Variants in MCTP2 observed in about 807,000 individuals in gnomAD.
The protein encoded by MCTP2 is multiple C2 and transmembrane domain-containing protein 2.
MCTP2 carries 132 observed loss-of-function variants against 111.6 expected under a neutral mutation model. That is an observed-to-expected ratio of 1.18 (90% CI 1.03 to 1.37). MCTP2 has a LOEUF of 1.37. MCTP2 is among the 40% of genes most tolerant of loss of function. The pLI, the probability that MCTP2 is intolerant of heterozygous loss-of-function variation, is 0.00. For synonymous variants in MCTP2, 395 were observed against 387.7 expected (o/e 1.02, Z -0.22); for missense variants, 1,183 against 1,067.9 (o/e 1.11, Z -1.50).
chr15:94,448,678 A>ACT (rs1207185275), intron 19 of MCTP2, among the ~76,000 whole-genome samples: 1 of 152,194 alleles, frequency 6.6e-6, no homozygotes, highest in African/African-American at 2.4e-5. Flanking sequence ...GATAAAGGAT[A>ACT]CTCAACCTGT....
chr15:94,305,240 A>G (rs2075824871), intron 2 of MCTP2, among the ~76,000 whole-genome samples: 1 of 152,170 alleles, frequency 6.6e-6, no homozygotes, highest in Admixed American at 6.5e-5. Flanking sequence ...ATTCCCCACC[A>G]TGTGAGGACA....
chr15:94,434,624 C>A (rs554189676), intron 17 of MCTP2, among the ~76,000 whole-genome samples: 1 of 151,942 alleles, frequency 6.6e-6, no homozygotes, highest in South Asian at 2.1e-4. Context: ...AAAAAAATAC[C>A]ATTTTTTCGA....
rs200456929 is a variant in MCTP2 at position 94,358,504 on chromosome 15, C to A, written c.1193C>A (p.Pro398Gln). ...KSKTLCKSAN[P>Q]QWQEQFDFHY... is the part of the protein sequence containing the mutation. ...TAGACACTGTGTAAGAGTGCAAATC[C>A]GCAGTGGCAGGAACAGTTTGACTTT... The change falls in exon 10 of 23, where the codon CCG becomes CAG. Residue 398 changes from proline (P) to glutamine (Q), a missense_variant. Pro to Gln is a moderately conservative substitution (Grantham distance 76). Transcript: ENST00000357742. 1.4e-5 allele frequency: 23 copies of A among 1,613,384 alleles called. No homozygotes were observed. The highest frequency in any genetic ancestry group is 1.9e-5 in the Non-Finnish European group (22 of 1,179,520).
At chr15:94,458,115 A>G (rs761911168) in intron 19 of MCTP2, 22 bp from the exon 20 acceptor site, 2 of 1,361,116 alleles carry the variant, frequency 1.5e-6, no homozygotes, top group Admixed American at 1.7e-5. Flanking sequence ...ACTGAGTTAA[A>G]TCTTGCTTTT....
intron 1 of MCTP2, among the ~76,000 whole-genome samples, chr15:94,240,992 C>T (rs578254733): frequency 4.3e-4 from 66 of 152,266 alleles, no homozygotes; most frequent in Non-Finnish European, 8.5e-4. Flanking sequence ...CATTAAGACA[C>T]ACTTATCAAA....
chr15:94,376,189 A>G lies in MCTP2; in HGVS notation c.1582+6009A>G, dbSNP rs182862334. 7.9e-5 allele frequency among the ~76,000 whole-genome samples: 12 copies of G among 152,310 alleles called. No homozygotes were observed. The East Asian group carries it at 1.5e-3, about 20-fold the overall frequency. ...CTGGTTCCTTGGCTATGCCATTAGG[A>G]GGAGCTCTTGGTCTGTCCCCCACAC... On this transcript the variant is annotated intron_variant, in intron 12 of 22. Transcript: ENST00000357742.
intron 7 of MCTP2, among the ~76,000 whole-genome samples, chr15:94,344,824 T>A (rs533933907): frequency 2.2e-4 from 34 of 152,306 alleles, no homozygotes; most frequent in African/African-American, 7.0e-4. Flanking sequence ...TTAGAGAGAA[T>A]AATATGGTGT....
chr15:94,409,455 T>C lies in MCTP2; in HGVS notation c.2085+7436T>C, dbSNP rs1308701936. 6.6e-5 allele frequency among the ~76,000 whole-genome samples: 10 copies of C among 152,114 alleles called. No individual in the cohort carries two copies. In the East Asian group the frequency reaches 1.9e-3, roughly 30 times the overall value. On this transcript the variant is annotated intron_variant, in intron 17 of 22. Coordinates refer to ENST00000357742, the MANE Select transcript of MCTP2 (RefSeq NM_001385001.1). ...GGCTATGATAATACTCAAATATGAA[T>C]ATATATATATTCCTATTCCATTAGT... is the stretch of plus-strand genomic sequence containing the variant.
In MCTP2 at chr15:94,315,137, G is replaced by A. The variant is rs563427173; in HGVS notation, c.529-392G>A. ...GCATCTTACATCTGAACTTGGAAGC[G>A]GGGACACATGTTCTTGGGAGCCAGG... On this transcript the variant is annotated intron_variant, in intron 3 of 22. Coordinates refer to ENST00000357742, the MANE Select transcript of MCTP2 (RefSeq NM_001385001.1). Among the ~76,000 whole-genome samples, 30 of 152,222 alleles carry A rather than the reference G, an allele frequency of 2.0e-4. No homozygotes were observed. The South Asian group carries it at 5.4e-3, about 27-fold the overall frequency.
chr15:94,293,640 C>T (rs2075129236), intron 1 of MCTP2, among the ~76,000 whole-genome samples: 1 of 152,184 alleles, frequency 6.6e-6, no homozygotes, highest in Non-Finnish European at 1.5e-5. Flanking sequence ...GCAGCAGTAG[C>T]TCATACACAT....
Position 94,481,837 on chromosome 15 carries a change from T to C in MCTP2, c.*2803T>C, listed in dbSNP as rs2074742086. 1 of 152,274 alleles carries C rather than the reference T, an allele frequency of 6.6e-6. No individual in the cohort carries two copies. Among genetic ancestry groups the C allele is most frequent in the African/African-American group, 2.4e-5 (1 of 41,464 alleles). The allele number at this position is 152,274 out of a possible 1,614,324, so 9.4% of individuals were successfully genotyped here. A position where few individuals can be genotyped will look rare whatever the true frequency, so the allele number is the denominator to read the frequency against. ...CAGGCCAGGTCGTAGAGATTATTTT[T>C]CTTTCTCTGCCTTTTCATGTGCTGC... On this transcript the variant is annotated 3_prime_UTR_variant, in exon 23 of 23. Transcript: ENST00000357742.
At chr15:94,311,621 A>G (rs533893745) in intron 2 of MCTP2, among the ~76,000 whole-genome samples, 2 of 152,208 alleles carry the variant, frequency 1.3e-5, no homozygotes, top group Non-Finnish European at 2.9e-5. Flanking sequence ...CTTGGTGTTT[A>G]TATATGGTGT....
In MCTP2 at chr15:94,308,998, T is replaced by G. The variant is rs180913221; in HGVS notation, c.466-5284T>G. 3.0e-4 allele frequency among the ~76,000 whole-genome samples: 45 copies of G among 152,340 alleles called. 2 individuals are homozygous for G. Among genetic ancestry groups the G allele is most frequent in the Admixed American group, 2.3e-3 (35 of 15,296 alleles). On this transcript the variant is annotated intron_variant, in intron 2 of 22. Coordinates refer to ENST00000357742, the MANE Select transcript of MCTP2 (RefSeq NM_001385001.1). ...AGTCAATACAGCAGGGAAATCACTTTTAGAGACCAGTCTTGGAGATGAGAG... is the reference window on the plus strand; with the variant it reads ...AGTCAATACAGCAGGGAAATCACTTGTAGAGACCAGTCTTGGAGATGAGAG...
intron 12 of MCTP2, among the ~76,000 whole-genome samples, chr15:94,382,520 A>G (rs976161053): frequency 1.3e-5 from 2 of 152,264 alleles, no homozygotes; most frequent in African/African-American, 4.8e-5. Context: ...TCTCCTGTTT[A>G]ATACTATTCA....
intron 1 of MCTP2, among the ~76,000 whole-genome samples, chr15:94,270,050 C>T (rs1356114348): frequency 6.6e-6 from 1 of 152,070 alleles, no homozygotes; most frequent in African/African-American, 2.4e-5. Flanking sequence ...CTTGTGGTTC[C>T]AGCTAGTGGA....
intron 4 of MCTP2, among the ~76,000 whole-genome samples, chr15:94,331,888 G>A (rs560125454): frequency 6.6e-6 from 1 of 152,286 alleles, no homozygotes; most frequent in East Asian, 1.9e-4. Context: ...TGGACAGGAA[G>A]GCCAGTAGAA....
intron 20 of MCTP2, among the ~76,000 whole-genome samples, chr15:94,469,660 G>A (rs987224744): frequency 2.6e-5 from 4 of 152,120 alleles, no homozygotes; most frequent in Non-Finnish European, 5.9e-5. Flanking sequence ...TTGACCCCAG[G>A]AGTTCGAGAC....
At chr15:94,368,530 C>T (rs2079317506) in intron 11 of MCTP2, among the ~76,000 whole-genome samples, 1 of 152,182 alleles carries the variant, frequency 6.6e-6, no homozygotes, top group South Asian at 2.1e-4. Context: ...TATTCAATGG[C>T]ACTATCATTC....
chr15:94,443,086 T>G, intron 19 of MCTP2, 126 bp downstream of exon 19: 1 of 580,832 alleles, frequency 1.7e-6, no homozygotes, highest in African/African-American at 1.9e-5. Flanking sequence ...GTTACCAGTA[T>G]AGTAATATTA....
Sources: allele counts gnomAD v4.1 joint callset (sites outside exome capture counted in the v4.1 genomes callset), GRCh38; gene constraint gnomAD v4.1.1; transcripts MANE v1.5; gene names NCBI Gene and HGNC (gene_info 2026-07-23, HGNC 2026-07-21).